SHISA6: variants seen among roughly 807,000 people sequenced by gnomAD.
The protein encoded by SHISA6 is protein shisa-6.
In SHISA6, 22 loss-of-function variants were observed where a neutral mutation model predicts 47.9. The ratio of observed to expected loss-of-function variants is 0.46; its 90% CI spans 0.33 to 0.66. SHISA6 has a LOEUF of 0.66. Among genes scored for constraint, SHISA6 ranks in the 30% least tolerant of loss-of-function variants. The probability of loss-of-function intolerance (pLI) is 0.02; values close to 1 mark genes in which losing one functional copy is unlikely to be tolerated. For missense variants in SHISA6, 680 were observed against 764.6 expected, an observed-to-expected ratio of 0.89 and a Z score of 1.30; for synonymous variants, 388 against 337.8, an observed-to-expected ratio of 1.15 and a Z score of -1.63.
chr17:11,311,760 ATTTCT>A (rs566126211), intron 2 of SHISA6, among the ~76,000 whole-genome samples: 186 of 151,544 alleles, frequency 1.2e-3, no homozygotes, highest in Middle Eastern at 3.4e-3. Flanking sequence ...AGATATTTAG[ATTTCT>A]TTTCTTTTCT....
chr17:11,299,275 C>T (rs1909846004), intron 2 of SHISA6, among the ~76,000 whole-genome samples: 2 of 151,914 alleles, frequency 1.3e-5, no homozygotes, highest in South Asian at 4.1e-4. Context: ...TTACTGGGTG[C>T]CAGATGCTAT....
chr17:11,271,912 G>A (rs796938311), intron 2 of SHISA6, among the ~76,000 whole-genome samples: 15 of 152,086 alleles, frequency 9.9e-5, no homozygotes, highest in African/African-American at 3.6e-4. Flanking sequence ...TGCTCCTCCA[G>A]CCTGGGGATA....
intron 3 of SHISA6, among the ~76,000 whole-genome samples, chr17:11,484,016 A>C (rs1286307833): frequency 6.6e-6 from 1 of 152,166 alleles, no homozygotes; most frequent in Non-Finnish European, 1.5e-5. Flanking sequence ...ACTATTCAAT[A>C]ATTATTTCCA....
At chr17:11,250,333 G>A (rs1457462732) in intron 1 of SHISA6, among the ~76,000 whole-genome samples, 1 of 152,194 alleles carries the variant, frequency 6.6e-6, no homozygotes, top group Non-Finnish European at 1.5e-5. Flanking sequence ...CACCAGCTGG[G>A]CCAGACTGCC....
intron 3 of SHISA6, among the ~76,000 whole-genome samples, chr17:11,531,362 C>T (rs747750260): frequency 6.6e-6 from 1 of 151,772 alleles, no homozygotes; most frequent in Non-Finnish European, 1.5e-5. Flanking sequence ...TTTAAACACA[C>T]GATTCTCAGA....
intron 1 of SHISA6, among the ~76,000 whole-genome samples, chr17:11,249,297 T>C (rs1032666577): frequency 1.7e-4 from 26 of 151,816 alleles, no homozygotes; most frequent in African/African-American, 2.7e-4. Flanking sequence ...TGTGTGTGTG[T>C]GCGCGTGCGT....
chr17:11,445,864 G>C (rs1915214545), intron 3 of SHISA6, among the ~76,000 whole-genome samples: 1 of 152,178 alleles, frequency 6.6e-6, no homozygotes, highest in Admixed American at 6.5e-5. Flanking sequence ...GTCTCCTTCT[G>C]TCGCCCAGGC....
chr17:11,388,126 A>G (rs1180591139), intron 3 of SHISA6, among the ~76,000 whole-genome samples: 1 of 152,174 alleles, frequency 6.6e-6, no homozygotes, highest in African/African-American at 2.4e-5. Flanking sequence ...GAGGCATTTG[A>G]CTAATAGAAC....
At chr17:11,380,810 G>A (rs1050402731) in intron 3 of SHISA6, among the ~76,000 whole-genome samples, 2 of 152,288 alleles carry the variant, frequency 1.3e-5, no homozygotes, top group Admixed American at 6.5e-5. Flanking sequence ...TAGGGCTGGA[G>A]GATCTGCCTC....
At chr17:11,496,753 A>G (rs1042682983) in intron 3 of SHISA6, among the ~76,000 whole-genome samples, 6 of 151,874 alleles carry the variant, frequency 4.0e-5, no homozygotes, top group African/African-American at 1.5e-4. Context: ...AAAAAGAAAA[A>G]AAAAAAAAAG....
intron 2 of SHISA6, among the ~76,000 whole-genome samples, chr17:11,305,865 G>T (rs891394804): frequency 3.3e-5 from 5 of 152,182 alleles, no homozygotes; most frequent in African/African-American, 1.2e-4. Context: ...GGACTGTCCA[G>T]CTGATGGCCA....
At chr17:11,339,520 A>G (rs534044679) in intron 2 of SHISA6, among the ~76,000 whole-genome samples, 1 of 152,224 alleles carries the variant, frequency 6.6e-6, no homozygotes, top group Admixed American at 6.5e-5. Context: ...TTTTTGAGGG[A>G]TAACTGTGGA....
At chr17:11,269,044 G>GTT (rs1302302002) in intron 2 of SHISA6, among the ~76,000 whole-genome samples, 6 of 141,198 alleles carry the variant, frequency 4.2e-5, no homozygotes, top group African/African-American at 1.8e-4. Flanking sequence ...TTGTTTGTCT[G>GTT]TTTTGTTTTT....
At chr17:11,496,877 TC>T (rs1452783554) in intron 3 of SHISA6, among the ~76,000 whole-genome samples, 1 of 152,220 alleles carries the variant, frequency 6.6e-6, no homozygotes, top group African/African-American at 2.4e-5. Flanking sequence ...TGCAAACATT[TC>T]CATGTGGGAA....
intron 2 of SHISA6, among the ~76,000 whole-genome samples, chr17:11,324,566 G>T (rs1910812044): frequency 6.6e-6 from 1 of 152,088 alleles, no homozygotes; most frequent in Non-Finnish European, 1.5e-5. Flanking sequence ...GTGGTAGGCG[G>T]GGTATTGGGG....
rs187568851 is a variant in SHISA6, at chr17:11,308,371, T to C, written c.799+44845T>C. ...CAAACATCTGCCTCTGCCCAACCCTTCCTCCTAACCTCATATGTGCACAGG... is the reference window on the plus strand; with the variant it reads ...CAAACATCTGCCTCTGCCCAACCCTCCCTCCTAACCTCATATGTGCACAGG... On this transcript the variant is annotated intron_variant, in intron 2 of 5. Coordinates refer to ENST00000441885, the MANE Select transcript of SHISA6 (RefSeq NM_207386.4). Among the ~76,000 whole-genome samples the C allele has an allele frequency of 2.5e-3, 381 of 152,020 alleles. 4 individuals carry two copies. Among genetic ancestry groups the C allele is most frequent in the South Asian group, 0.021 (99 of 4,820 alleles).
intron 3 of SHISA6, among the ~76,000 whole-genome samples, chr17:11,396,655 C>T (rs1352438518): frequency 6.6e-6 from 1 of 152,172 alleles, no homozygotes; most frequent in Non-Finnish European, 1.5e-5. Context: ...GAAAGCCAAA[C>T]ACCACATATT....
At chr17:11,557,015 G>GC (rs1280676228) in intron 5 of SHISA6, among the ~76,000 whole-genome samples, 27 of 152,170 alleles carry the variant, frequency 1.8e-4, no homozygotes, top group African/African-American at 6.0e-4. Context: ...GAAAGGTGGA[G>GC]CATCTAAATG....
chr17:11,546,266 G>GTGC (rs1262442500), intron 3 of SHISA6, among the ~76,000 whole-genome samples: 4 of 152,080 alleles, frequency 2.6e-5, no homozygotes, highest in African/African-American at 9.7e-5. Context: ...ATTGACTTAG[G>GTGC]TTAAGTCAAG....
Sources: gnomAD v4.1 joint callset for allele counts (sites outside exome capture counted in the v4.1 genomes callset) on GRCh38, gnomAD v4.1.1 for gene constraint, MANE v1.5 for transcripts, NCBI Gene and HGNC (gene_info 2026-07-23, HGNC 2026-07-21) for gene names.